Variants in CYFIP1 observed in about 807,000 individuals in gnomAD.
CYFIP1 encodes cytoplasmic FMR1 interacting protein 1.
A neutral mutation model predicts 163.5 loss-of-function variants in CYFIP1; 58 were observed. The observed-to-expected ratio is 0.35, with a 90% CI of 0.29 to 0.44. The LOEUF is 0.44. CYFIP1 is among the 20% of genes least tolerant of loss of function. The pLI is 1.00. For missense variants in CYFIP1, 1,338 were observed against 1,653.8 expected (o/e 0.81, Z 3.31); for synonymous variants, 663 against 660.7 (o/e 1.00, Z -0.05).
At chr15:22,946,316 A>G (rs1210013957) in intron 3 of CYFIP1, among the ~76,000 whole-genome samples, 1 of 151,418 alleles carries the variant, frequency 6.6e-6, no homozygotes. Flanking sequence ...AAAAAAAAAG[A>G]AAGAAAGAAA....
Position 22,867,395 on chromosome 15 carries a change from A to G in CYFIP1, c.*2633T>C. The stretch of plus-strand genomic sequence containing the variant: ...GGAACCTCTTTCTTACAAAACAAAA[A>G]AAAGGGCAGAAATCACCCCAAGGAA... On this transcript the variant is annotated 3_prime_UTR_variant, in exon 31 of 31. Transcript: ENST00000617928. 1 of 386,144 alleles carries G rather than the reference A, an allele frequency of 2.6e-6. No individual in the cohort carries two copies. The highest frequency in any genetic ancestry group is 4.6e-6 in the Non-Finnish European group (1 of 219,240). 23.9% of individuals were successfully genotyped at this position (386,144 alleles called of 1,614,324 possible). A position where few individuals can be genotyped will look rare whatever the true frequency, so the allele number is the denominator to read the frequency against.
chr15:22,898,726 A>G (rs1378023444), intron 22 of CYFIP1, among the ~76,000 whole-genome samples: 3 of 152,004 alleles, frequency 2.0e-5, no homozygotes, highest in African/African-American at 7.3e-5. Context: ...TTTGTAGACC[A>G]GGCACGGTGG....
intron 21 of CYFIP1, among the ~76,000 whole-genome samples, chr15:22,906,822 T>C (rs1486757847): frequency 2.0e-5 from 3 of 152,196 alleles, no homozygotes; most frequent in African/African-American, 7.2e-5. Context: ...AGTTACAGTT[T>C]CCATGGTCCG....
At chr15:22,875,485 G>A in intron 26 of CYFIP1, 1 of 570,564 alleles carries the variant, frequency 1.8e-6, no homozygotes, top group Admixed American at 3.0e-5. Flanking sequence ...TAAGTACTTG[G>A]AATGTGGCTT....
At chr15:22,930,389 C>CAAAGGAAAAAAAAA (rs869052648) in intron 11 of CYFIP1, among the ~76,000 whole-genome samples, 1 of 114,082 alleles carries the variant, frequency 8.8e-6, no homozygotes, top group African/African-American at 3.1e-5. Flanking sequence ...CCGTCTCACC[C>CAAAGGAAAAAAAAA]AAAAAAAAAA....
rs1479645548 is a variant in CYFIP1, at chr15:22,882,884, T to C, written c.2804A>G (p.Lys935Arg). 6.2e-7 allele frequency: 1 copy of C among 1,613,606 alleles called. No homozygotes were observed. Among genetic ancestry groups the C allele is most frequent in the South Asian group, 1.1e-5 (1 of 91,062 alleles). Reference protein sequence around the residue: ...GIAVVMEELLKVVKSLLQGTI... With the variant: ...GIAVVMEELLRVVKSLLQGTI... ...AACACTCACCAGGCTCTTGACGACCTTCAGCAGCTCCTCCATGACCACGGC... is the reference window on the plus strand; with the variant it reads ...AACACTCACCAGGCTCTTGACGACCCTCAGCAGCTCCTCCATGACCACGGC... The change falls in exon 24 of 31, where the codon AAG becomes AGG. Residue 935 changes from lysine to arginine, a missense_variant. Lys to Arg is a conservative substitution (Grantham distance 26). Transcript: ENST00000617928.
At chr15:22,919,403 C>A (rs1049349565) in intron 13 of CYFIP1, among the ~76,000 whole-genome samples, 2 of 152,176 alleles carry the variant, frequency 1.3e-5, no homozygotes, top group African/African-American at 2.4e-5. Flanking sequence ...TGACAGTGTG[C>A]TTTATTACTT....
intron 1 of CYFIP1, chr15:22,947,847 G>GAA (rs2062112724): frequency 1.4e-6 from 1 of 730,406 alleles, no homozygotes; most frequent in Non-Finnish European, 1.7e-6. Flanking sequence ...GCAGGGGACA[G>GAA]AAAGTGCCAC....
intron 30 of CYFIP1, 55 bp downstream of exon 30, chr15:22,872,770 G>A: frequency 6.4e-7 from 1 of 1,565,574 alleles, no homozygotes; most frequent in Non-Finnish European, 8.8e-7. Flanking sequence ...ATAACACAAA[G>A]AAAGTATGCT....
At chr15:22,943,937 CG>C (rs1244719941) in intron 5 of CYFIP1, among the ~76,000 whole-genome samples, 4 of 152,026 alleles carry the variant, frequency 2.6e-5, no homozygotes, top group Non-Finnish European at 5.9e-5. Context: ...AAAGAGCAGA[CG>C]AAAACAAAAG....
rs577788791 is a variant in CYFIP1 at position 22,918,064 on chromosome 15, G to A, written c.1527-129C>T. The A allele has an allele frequency of 1.2e-5, 13 of 1,061,554 alleles. No homozygotes were observed. In the South Asian group the frequency reaches 1.9e-4, roughly 15 times the overall value. 65.8% of individuals were successfully genotyped at this position (1,061,554 alleles called of 1,614,324 possible). A position where few individuals can be genotyped will look rare whatever the true frequency, so the allele number is the denominator to read the frequency against. On this transcript the variant is annotated intron_variant, in intron 14 of 30. Transcript: ENST00000617928. ...CATGAAAATACAAATTACTCTGGGG[G>A]CCATGGAGGGATGTGGTAATGGACC...
At position 22,870,019 on chromosome 15, in the gene CYFIP1, C is replaced by T. The variant is rs372778809; in HGVS notation, c.*9G>A. ...TGCCATGTTGAGTTACGGAGTGCAGCGCGTGCCCTCAGCTGCTGGCGAGGG... is the reference window on the plus strand; with the variant it reads ...TGCCATGTTGAGTTACGGAGTGCAGTGCGTGCCCTCAGCTGCTGGCGAGGG... On this transcript the variant is annotated 3_prime_UTR_variant, in exon 31 of 31. Coordinates refer to ENST00000617928, the MANE Select transcript of CYFIP1 (RefSeq NM_014608.6). The T allele has an allele frequency of 4.1e-5, 66 of 1,593,370 alleles. No homozygotes were observed. Among genetic ancestry groups the T allele is most frequent in the African/African-American group, 2.6e-4 (19 of 73,644 alleles).
intron 23 of CYFIP1, among the ~76,000 whole-genome samples, chr15:22,888,275 G>A (rs892834704): frequency 6.6e-6 from 1 of 152,182 alleles, no homozygotes; most frequent in African/African-American, 2.4e-5. Context: ...TGCAGCAGAA[G>A]CAAGTGCACG....
chr15:22,914,704 G>A, intron 17 of CYFIP1, 22 bp downstream of exon 17: 2 of 1,595,330 alleles, frequency 1.3e-6, no homozygotes, highest in East Asian at 2.3e-5. Context: ...AAAGGCTGGA[G>A]ACAGGCCCGC....
intron 15 of CYFIP1, 35 bp from the exon 16 acceptor site, chr15:22,916,665 A>T (rs2060993483): frequency 1.9e-6 from 3 of 1,614,004 alleles, no homozygotes; most frequent in Non-Finnish European, 2.5e-6. Flanking sequence ...TGGGGGAGAA[A>T]ATATACATGG....
At chr15:22,893,652 G>C (rs1479197247) in intron 22 of CYFIP1, among the ~76,000 whole-genome samples, 1 of 152,114 alleles carries the variant, frequency 6.6e-6, no homozygotes, top group African/African-American at 2.4e-5. Context: ...TGAAAATACT[G>C]CTGTCCCACA....
chr15:22,892,240 C>T (rs144428579), intron 23 of CYFIP1, among the ~76,000 whole-genome samples: 102 of 152,324 alleles, frequency 6.7e-4, no homozygotes, highest in Middle Eastern at 3.4e-3. Flanking sequence ...CATCTCTCTT[C>T]GTTGCTACAA....
Position 22,917,165 on chromosome 15 carries a change from G to A in CYFIP1, c.1675-535C>T, listed in dbSNP as rs954583964. On this transcript the variant is annotated intron_variant, in intron 15 of 30. Transcript: ENST00000617928. This position sits in a 1 kb window ranked among gnomAD's most constrained non-coding sequence, Gnocchi z 4.2. ...TGGCACCACGCACAGGCCGAGGGCC[G>A]TCCCCCTGACCCTCCTGCAGAGCCA... 44 of 1,434,100 alleles carry A rather than the reference G, an allele frequency of 3.1e-5. No individual in the cohort carries two copies. In the Middle Eastern group the frequency reaches 7.7e-4, roughly 25 times the overall value. 88.8% of individuals were successfully genotyped at this position (1,434,100 alleles called of 1,614,324 possible). A position where few individuals can be genotyped will look rare whatever the true frequency, so the allele number is the denominator to read the frequency against.
At chr15:22,957,941 G>A (rs546847854) in intron 1 of CYFIP1, among the ~76,000 whole-genome samples, 6 of 152,266 alleles carry the variant, frequency 3.9e-5, no homozygotes, top group South Asian at 2.1e-4. Context: ...GCAGGGGACC[G>A]CGCCAGCATG....
Sources: gnomAD v4.1 joint callset for allele counts (sites outside exome capture counted in the v4.1 genomes callset) on GRCh38, gnomAD v4.1.1 for gene constraint, Gnocchi (gnomAD v3.1) non-coding constraint, MANE v1.5 for transcripts, NCBI Gene and HGNC (gene_info 2026-07-23, HGNC 2026-07-21) for gene names.